The following CFAP46 variants were observed in gnomAD, a reference collection of about 807,000 sequenced individuals.
CFAP46 encodes the protein cilia and flagella associated protein 46.
In CFAP46, 245 loss-of-function variants were observed where a neutral mutation model predicts 325.7. The observed-to-expected ratio is 0.75, with a 90% CI of 0.68 to 0.84. The LOEUF is 0.84. Ranked by LOEUF, CFAP46 falls within the 40% of genes least tolerant of loss-of-function variation. CFAP46 has a pLI of 0.00. For missense variants in CFAP46, 3,346 were observed against 3,543.0 expected, an observed-to-expected ratio of 0.94 and a Z score of 1.41; for synonymous variants, 1,523 against 1,495.9, an observed-to-expected ratio of 1.02 and a Z score of -0.42.
At chr10:132,867,759 C>T (rs898415920) in intron 33 of CFAP46, among the ~76,000 whole-genome samples, 1 of 152,216 alleles carries the variant, frequency 6.6e-6, no homozygotes, top group Non-Finnish European at 1.5e-5. Context: ...GTTTAATGAG[C>T]ATCTCCGACT....
chr10:132,833,608 G>C (rs1848188140), intron 49 of CFAP46, 83 bp from the exon 50 acceptor site: 1 of 1,453,708 alleles, frequency 6.9e-7, no homozygotes, highest in Non-Finnish European at 9.4e-7. Flanking sequence ...TTCTGACTTG[G>C]CTGCTGGGCG....
In CFAP46 at chr10:132,815,630, G is replaced by A. The variant is rs181414785; in HGVS notation, c.7118-716C>T. Among the ~76,000 whole-genome samples, 290 of 152,254 alleles carry A rather than the reference G, an allele frequency of 1.9e-3. 3 individuals are homozygous for A. Among genetic ancestry groups the A allele is most frequent in the Admixed American group, 0.012 (190 of 15,278 alleles). ...CTCTAGGACATCTGTACGTTTTAAG[G>A]TTAAACTGGGGCCCGGCACGTGGCT... is the stretch of plus-strand genomic sequence containing the variant. On this transcript the variant is annotated intron_variant, in intron 50 of 57. Coordinates refer to ENST00000368586, the MANE Select transcript of CFAP46 (RefSeq NM_001200049.3).
intron 48 of CFAP46, 78 bp downstream of exon 48, chr10:132,834,576 G>A (rs911103108): frequency 5.1e-6 from 8 of 1,553,482 alleles, no homozygotes; most frequent in African/African-American, 2.7e-5. Flanking sequence ...GCAAGCACAC[G>A]TGGTTGGCCA....
At chr10:132,923,955 G>A (rs947878248) in intron 11 of CFAP46, among the ~76,000 whole-genome samples, 1 of 152,088 alleles carries the variant, frequency 6.6e-6, no homozygotes. Context: ...CCCAGAGAAG[G>A]TGGGAAGGAG....
chr10:132,926,956 A>G (rs951973947), intron 9 of CFAP46, among the ~76,000 whole-genome samples: 4 of 152,156 alleles, frequency 2.6e-5, no homozygotes, highest in Non-Finnish European at 5.9e-5. Flanking sequence ...CCTGGTACCC[A>G]GGCCTCAGCC....
chr10:132,830,515 A>G (rs1025677278), intron 50 of CFAP46, among the ~76,000 whole-genome samples: 1 of 152,254 alleles, frequency 6.6e-6, no homozygotes, highest in African/African-American at 2.4e-5. Context: ...TATCCAGGTC[A>G]TCCCTTTCTT....
intron 7 of CFAP46, among the ~76,000 whole-genome samples, chr10:132,936,416 T>C (rs1271935927): frequency 1.5e-5 from 1 of 68,040 alleles, no homozygotes; most frequent in Non-Finnish European, 2.7e-5. Flanking sequence ...CCAAACACAC[T>C]GTGATCTCCT....
chr10:132,814,519 A>T, intron 53 of CFAP46, 58 bp downstream of exon 53: 1 of 1,544,194 alleles, frequency 6.5e-7, no homozygotes, highest in Non-Finnish European at 8.7e-7. Flanking sequence ...CAACTGCAGG[A>T]CGGCAGGAGG....
In CFAP46 at chr10:132,877,740, G is replaced by A; in HGVS notation, c.4212+141C>T. 1.2e-6 allele frequency: 1 copy of A among 856,116 alleles called. No individual in the cohort carries two copies. The highest frequency in any genetic ancestry group is 1.8e-6 in the Non-Finnish European group (1 of 559,096). The allele number at this position is 856,116 out of a possible 1,614,324, so 53.0% of individuals were successfully genotyped here. The stretch of plus-strand genomic sequence containing the variant: ...TCCTCCGAGAACCCTGACAGGCAGG[G>A]AAACTGAGGCACAGGCCATCCCGGG... On this transcript the variant is annotated intron_variant, in intron 30 of 57. Transcript: ENST00000368586. The surrounding 1 kb of genome is among the most constrained non-coding windows in gnomAD (Gnocchi z 5.7).
chr10:132,808,436 G>A lies in CFAP46; in HGVS notation c.8133C>T (p.Ser2711=), dbSNP rs1361070240. The change falls in exon 58 of 58, where the codon AGC becomes AGT. Residue 2711 remains serine (S), a synonymous_variant. Transcript: ENST00000368586. The surrounding 1 kb of genome is among the most constrained non-coding windows in gnomAD (Gnocchi z 6.8). ...AGTGGAACACTCAAATCAAAAACAG[G>A]CTCACGGTCTGAATAGTCTTCTGGT... The part of the protein sequence containing the change: ...CLDQKTIQTV[S]LFLI The A allele has an allele frequency of 6.2e-7, 1 of 1,603,992 alleles. No individual in the cohort carries two copies.
chr10:132,882,053 G>A (rs1849052930), intron 27 of CFAP46, among the ~76,000 whole-genome samples: 1 of 150,808 alleles, frequency 6.6e-6, no homozygotes, highest in Admixed American at 6.6e-5. Flanking sequence ...TGTGGGGGGT[G>A]TGTGGTGCGT....
intron 26 of CFAP46, 29 bp from the exon 27 acceptor site, chr10:132,885,315 G>A (rs762725149): frequency 1.2e-5 from 19 of 1,521,780 alleles, no homozygotes; most frequent in Middle Eastern, 3.6e-4. Context: ...AGAAACCAAC[G>A]TCAGGATCGG....
intron 36 of CFAP46, 49 bp from the exon 37 acceptor site, chr10:132,860,572 A>G: frequency 7.3e-7 from 1 of 1,375,368 alleles, no homozygotes; most frequent in South Asian, 1.2e-5. Context: ...ACAGGCAGGC[A>G]TGGATACAGG....
rs1849733976 is a variant in CFAP46 at position 132,922,166 on chromosome 10, G to A, written c.1544C>T (p.Ala515Val). The A allele has an allele frequency of 1.3e-6, 2 of 1,550,356 alleles. No homozygotes were observed. Among genetic ancestry groups the A allele is most frequent in the South Asian group, 1.2e-5 (1 of 84,068 alleles). The stretch of plus-strand genomic sequence containing the variant: ...CGCGTCAGGGGCTAAGGCCAGGCCT[G>A]CATTCACCAGGAGGGCCCGCTTCTT... ...VRKKRALLVN[A>V]GLALAPDAFQ... The change falls in exon 13 of 58, where the codon GCA becomes GTA. Residue 515 changes from alanine to valine, a missense_variant. Ala to Val is a moderately conservative substitution (Grantham distance 64). Transcript: ENST00000368586.
At chr10:132,879,868 C>G (rs1849012976) in intron 28 of CFAP46, among the ~76,000 whole-genome samples, 1 of 152,170 alleles carries the variant, frequency 6.6e-6, no homozygotes, top group South Asian at 2.1e-4. Context: ...CAGCTCCAGC[C>G]CCAGGCCCCC....
Position 132,876,995 on chromosome 10 carries a change from C to T in CFAP46, c.4213-34G>A, listed in dbSNP as rs553062435. On this transcript the variant is annotated intron_variant, in intron 30 of 57. Coordinates refer to ENST00000368586, the MANE Select transcript of CFAP46 (RefSeq NM_001200049.3). This position sits in a 1 kb window ranked among gnomAD's most constrained non-coding sequence, Gnocchi z 4.1. ...GCAAGAATACAGGATTTACCTGAAACGGTGGAGGTGAAACAGCAGACACCC... is the reference window on the plus strand; with the variant it reads ...GCAAGAATACAGGATTTACCTGAAATGGTGGAGGTGAAACAGCAGACACCC... 73 of 1,541,486 alleles carry T rather than the reference C, an allele frequency of 4.7e-5. No individual in the cohort carries two copies. The highest frequency in any genetic ancestry group is 1.7e-4 in the Middle Eastern group (1 of 5,860).
In CFAP46 at chr10:132,872,425, T is replaced by G. The variant is rs1452536170; in HGVS notation, c.4511+251A>C. The G allele has an allele frequency of 1.6e-5, 7 of 448,920 alleles. 1 individual carries two copies. The highest frequency in any genetic ancestry group is 6.3e-5 in the South Asian group (3 of 47,638). The allele number at this position is 448,920 out of a possible 1,614,324, so 27.8% of individuals were successfully genotyped here. On this transcript the variant is annotated intron_variant, in intron 32 of 57. Coordinates refer to ENST00000368586, the MANE Select transcript of CFAP46 (RefSeq NM_001200049.3). ...TGTGTCACCATACCTGGCTAATATA[T>G]TTTTTAAATTTTTTGTAGAGATGGG...
chr10:132,898,634 C>T, intron 24 of CFAP46: 1 of 395,572 alleles, frequency 2.5e-6, no homozygotes, highest in Admixed American at 3.7e-5. Context: ...TGGGGCCTGT[C>T]CTCCCTGCCT....
At chr10:132,867,765 C>T (rs11146555) in intron 33 of CFAP46, among the ~76,000 whole-genome samples, 6,791 of 152,282 alleles carry the variant, frequency 0.045, 213 homozygotes, top group Non-Finnish European at 0.066. Context: ...TGAGCATCTC[C>T]GACTCCATCT....
Sources: allele counts gnomAD v4.1 joint callset (sites outside exome capture counted in the v4.1 genomes callset), GRCh38; gene constraint gnomAD v4.1.1; non-coding constraint Gnocchi (gnomAD v3.1); transcripts MANE v1.5; gene names NCBI Gene and HGNC (gene_info 2026-07-23, HGNC 2026-07-21).